SYNPR: variants seen among roughly 807,000 people sequenced by gnomAD.
The protein encoded by SYNPR is synaptoporin.
SYNPR carries 23 observed loss-of-function variants against 32.9 expected under a neutral mutation model. The ratio of observed to expected loss-of-function variants is 0.70; its 90% CI spans 0.50 to 0.99. The LOEUF (loss-of-function observed/expected upper bound fraction) is 0.99. SYNPR is among the 50% of genes least tolerant of loss of function. The pLI is 0.00. For synonymous variants in SYNPR, 146 were observed against 135.9 expected (o/e 1.07, Z -0.52); for missense variants, 318 against 349.3 (o/e 0.91, Z 0.71).
At chr3:63,231,926 C>A (rs1257493508) in intron 1 of SYNPR, among the ~76,000 whole-genome samples, 1 of 152,156 alleles carries the variant, frequency 6.6e-6, no homozygotes, top group East Asian at 1.9e-4. Context: ...GATCAGTGAA[C>A]CCCGCTGTTG....
chr3:63,308,220 A>G (rs546791133), intron 2 of SYNPR, among the ~76,000 whole-genome samples: 3 of 152,168 alleles, frequency 2.0e-5, no homozygotes, highest in Non-Finnish European at 4.4e-5. Context: ...TGGGTGGTCT[A>G]TAAGATATTC....
At chr3:63,275,988 A>G (rs2086571536), upstream of SYNPR, among the ~76,000 whole-genome samples, 1 of 152,166 alleles carries the variant, frequency 6.6e-6, no homozygotes, top group African/African-American at 2.4e-5. Context: ...TGCAGTAACA[A>G]AAGACCTAAA....
At chr3:63,271,735 G>T (rs748825166) in intron 3 of SYNPR, among the ~76,000 whole-genome samples, 1 of 151,602 alleles carries the variant, frequency 6.6e-6, no homozygotes, top group South Asian at 2.1e-4. Context: ...ATAATCATCA[G>T]GGAAATAAAA....
intron 1 of SYNPR, among the ~76,000 whole-genome samples, chr3:63,229,436 A>G (rs1560162641): frequency 6.6e-6 from 1 of 152,172 alleles, no homozygotes; most frequent in Non-Finnish European, 1.5e-5. Flanking sequence ...AAACAGATCA[A>G]ATGAGAATAT....
At chr3:63,404,702 A>G (rs2088337330) in intron 2 of SYNPR, among the ~76,000 whole-genome samples, 1 of 152,180 alleles carries the variant, frequency 6.6e-6, no homozygotes, top group African/African-American at 2.4e-5. Context: ...TCAAGTAAAA[A>G]TCATAATTCA....
chr3:63,359,716 C>T (rs1414506011), intron 2 of SYNPR, among the ~76,000 whole-genome samples: 4 of 152,182 alleles, frequency 2.6e-5, no homozygotes, highest in Non-Finnish European at 4.4e-5. Context: ...ACAAACAGAT[C>T]TGGCCTCAAG....
chr3:63,569,962 G>A (rs1702858254), intron 4 of SYNPR, among the ~76,000 whole-genome samples: 1 of 152,258 alleles, frequency 6.6e-6, no homozygotes. Flanking sequence ...TCGGCCTTGG[G>A]GAGCTTCTAA....
Position 63,308,263 on chromosome 3 carries a change from G to A in SYNPR, c.84+29521G>A, listed in dbSNP as rs1042160275. Among the ~76,000 whole-genome samples the A allele has an allele frequency of 9.2e-5, 14 of 151,930 alleles. No homozygotes were observed. The South Asian group carries it at 1.0e-3, about 11-fold the overall frequency. ...AGAAATATATCTAATTAATGGTGAC[G>A]TCATCAACACAAAATATCAAACATA... On this transcript the variant is annotated intron_variant, in intron 2 of 5. Transcript: ENST00000478300.
chr3:63,526,062 C>A (rs1702006156), intron 3 of SYNPR, among the ~76,000 whole-genome samples: 1 of 152,124 alleles, frequency 6.6e-6, no homozygotes, highest in Admixed American at 6.5e-5. Flanking sequence ...AGGGGAGGTG[C>A]CAGGCTCTTT....
At chr3:63,407,766 G>A (rs940302875) in intron 2 of SYNPR, among the ~76,000 whole-genome samples, 14 of 152,106 alleles carry the variant, frequency 9.2e-5, no homozygotes, top group African/African-American at 3.1e-4. Flanking sequence ...AGTAGAAAGA[G>A]TTCTCAGAAG....
chr3:63,297,182 G>T (rs2086797927), intron 2 of SYNPR, among the ~76,000 whole-genome samples: 1 of 152,122 alleles, frequency 6.6e-6, no homozygotes, highest in Non-Finnish European at 1.5e-5. Flanking sequence ...CTGTGAAGTG[G>T]CTCTGTTATT....
chr3:63,581,058 C>G (rs1703080859), intron 4 of SYNPR, among the ~76,000 whole-genome samples: 1 of 152,076 alleles, frequency 6.6e-6, no homozygotes, highest in South Asian at 2.1e-4. Flanking sequence ...TAACAATTAA[C>G]CCCTGTACTC....
At chr3:63,358,021 C>G (rs755184085) in intron 2 of SYNPR, among the ~76,000 whole-genome samples, 13 of 152,132 alleles carry the variant, frequency 8.5e-5, no homozygotes, top group African/African-American at 3.1e-4. Flanking sequence ...GTGATTCATT[C>G]GCGTAAAATC....
At chr3:63,257,746 A>G (rs2086398686) in intron 2 of SYNPR, among the ~76,000 whole-genome samples, 1 of 152,226 alleles carries the variant, frequency 6.6e-6, no homozygotes, top group Non-Finnish European at 1.5e-5. Context: ...AATGGGCTAA[A>G]TGCTCCAATT....
intron 5 of SYNPR, among the ~76,000 whole-genome samples, chr3:63,614,540 A>C (rs929835644): frequency 3.3e-5 from 5 of 152,242 alleles, no homozygotes; most frequent in Non-Finnish European, 7.3e-5. Flanking sequence ...GTCTGGTTTC[A>C]ACATTCACTT....
At position 63,320,408 on chromosome 3, in the gene SYNPR, C is replaced by T. The variant is rs551899101; in HGVS notation, c.84+41666C>T. On this transcript the variant is annotated intron_variant, in intron 2 of 5. Transcript: ENST00000478300. ...ATATCTTTTGAAAACATTCCTATTC[C>T]TTCTGGTAGATACTTGCAGAACAAG... Among the ~76,000 whole-genome samples the T allele has an allele frequency of 4.6e-5, 7 of 152,106 alleles. No individual in the cohort carries two copies. In the South Asian group the frequency reaches 1.5e-3, roughly 32 times the overall value.
intron 2 of SYNPR, among the ~76,000 whole-genome samples, chr3:63,448,868 T>A (rs1451148338): frequency 6.6e-6 from 1 of 152,208 alleles, no homozygotes; most frequent in Non-Finnish European, 1.5e-5. Flanking sequence ...ATTGAACTGT[T>A]CTAGTAAGGC....
At chr3:63,473,883 T>C (rs115836440) in intron 2 of SYNPR, among the ~76,000 whole-genome samples, 1,741 of 152,328 alleles carry the variant, frequency 0.011, 31 homozygotes, top group African/African-American at 0.039. Flanking sequence ...TTTGTTATCA[T>C]AGTCCTGGGT....
At chr3:63,526,306 T>C (rs1249972334) in intron 3 of SYNPR, among the ~76,000 whole-genome samples, 1 of 152,214 alleles carries the variant, frequency 6.6e-6, no homozygotes, top group Admixed American at 6.5e-5. Context: ...GTTGCCTAAG[T>C]ATTCTCCATC....
Sources: allele counts gnomAD v4.1 joint callset (sites outside exome capture counted in the v4.1 genomes callset), GRCh38; gene constraint gnomAD v4.1.1; transcripts MANE v1.5; gene names NCBI Gene and HGNC (gene_info 2026-07-23, HGNC 2026-07-21).